The following PRKG1 variants were observed in gnomAD, a reference collection of about 807,000 sequenced individuals.
The protein encoded by PRKG1 is cGMP-dependent protein kinase 1.
In PRKG1, 35 loss-of-function variants were observed where a neutral mutation model predicts 88.1. The observed-to-expected ratio is 0.40, with a 90% CI of 0.30 to 0.53. The LOEUF (loss-of-function observed/expected upper bound fraction) is 0.53. PRKG1 is among the 20% of genes least tolerant of loss of function. The pLI, the probability that PRKG1 is intolerant of heterozygous loss-of-function variation, is 0.59. For synonymous variants in PRKG1, 303 were observed against 292.5 expected (o/e 1.04, Z -0.37); for missense variants, 540 against 839.8 (o/e 0.64, Z 4.41).
At chr10:51,714,602 T>C (rs1454736986) in intron 3 of PRKG1, among the ~76,000 whole-genome samples, 2 of 152,122 alleles carry the variant, frequency 1.3e-5, no homozygotes. Context: ...ATGTGGTAGG[T>C]CAAAATTTTT....
At chr10:51,004,088 A>G (rs1842916352) in intron 1 of PRKG1, among the ~76,000 whole-genome samples, 1 of 152,202 alleles carries the variant, frequency 6.6e-6, no homozygotes. Context: ...CAAAAAAACT[A>G]TTAATATTTG....
At chr10:51,571,917 A>G (rs1333928826) in intron 3 of PRKG1, among the ~76,000 whole-genome samples, 1 of 151,764 alleles carries the variant, frequency 6.6e-6, no homozygotes, top group African/African-American at 2.4e-5. Flanking sequence ...CTGGCTTAAA[A>G]TTTCTTATCT....
chr10:51,368,275 G>A (rs895353737), intron 2 of PRKG1, among the ~76,000 whole-genome samples: 1 of 151,834 alleles, frequency 6.6e-6, no homozygotes, highest in East Asian at 1.9e-4. Context: ...CTTCATGATC[G>A]AAACATATTA....
intron 9 of PRKG1, among the ~76,000 whole-genome samples, chr10:52,169,893 T>G (rs7085190): frequency 0.99 from 151,129 of 152,242 alleles, 75,020 homozygotes; most frequent in Middle Eastern, 1. Context: ...GAGCAAGTGG[T>G]TCTCAGGTCC....
chr10:51,138,843 C>T (rs1277141109), intron 1 of PRKG1, among the ~76,000 whole-genome samples: 6 of 151,584 alleles, frequency 4.0e-5, no homozygotes, highest in African/African-American at 7.3e-5. Context: ...CCACCATGCC[C>T]GGCTAATTTT....
chr10:51,641,508 C>G (rs1419732938), intron 3 of PRKG1, among the ~76,000 whole-genome samples: 2 of 152,126 alleles, frequency 1.3e-5, no homozygotes, highest in Admixed American at 1.3e-4. Flanking sequence ...ATGCCTTGTG[C>G]TTTTTGGACC....
chr10:51,752,927 T>C (rs1042881495), intron 3 of PRKG1, among the ~76,000 whole-genome samples: 2 of 152,152 alleles, frequency 1.3e-5, no homozygotes, highest in Non-Finnish European at 1.5e-5. Flanking sequence ...AAGAACTTTT[T>C]GCAATGTTGA....
chr10:51,518,474 A>T (rs1300313916), intron 3 of PRKG1, among the ~76,000 whole-genome samples: 1 of 151,736 alleles, frequency 6.6e-6, no homozygotes, highest in African/African-American at 2.4e-5. Context: ...TCAACATGAG[A>T]CTCTCTTGTA....
intron 5 of PRKG1, among the ~76,000 whole-genome samples, chr10:51,979,399 G>C (rs1261195350): frequency 1.1e-5 from 1 of 87,634 alleles, no homozygotes; most frequent in Non-Finnish European, 2.3e-5. Flanking sequence ...ATTCATCATG[G>C]ATATTGGTCT....
chr10:51,753,368 T>A (rs1837775665), intron 3 of PRKG1, among the ~76,000 whole-genome samples: 1 of 152,174 alleles, frequency 6.6e-6, no homozygotes, highest in African/African-American at 2.4e-5. Flanking sequence ...TTTTTGAATC[T>A]AAGCATAAAT....
rs149466637 is a variant in PRKG1, at chr10:51,109,299, G to A, written c.311+34398G>A. On this transcript the variant is annotated intron_variant, in intron 1 of 17. Transcript: ENST00000373980. ...AAAATGTTTAAAAAGAAGAAAAAAG[G>A]TGGAGGACTAACACCACTTAAGGTT... 1.0e-2 allele frequency among the ~76,000 whole-genome samples: 1,519 copies of A among 152,210 alleles called. 17 individuals carry two copies. Among genetic ancestry groups the A allele is most frequent in the South Asian group, 0.053 (256 of 4,812 alleles).
chr10:51,307,413 A>G (rs1841067186), intron 2 of PRKG1, among the ~76,000 whole-genome samples: 1 of 152,172 alleles, frequency 6.6e-6, no homozygotes, highest in South Asian at 2.1e-4. Context: ...TGACTCCAAG[A>G]TGATCTTTTC....
intron 9 of PRKG1, among the ~76,000 whole-genome samples, chr10:52,233,705 A>C (rs894969981): frequency 2.8e-5 from 4 of 144,940 alleles, no homozygotes. Context: ...GCAGTCTGAG[A>C]TCAAACTGCA....
chr10:51,368,943 C>G (rs1842643589), intron 2 of PRKG1, among the ~76,000 whole-genome samples: 1 of 152,020 alleles, frequency 6.6e-6, no homozygotes, highest in African/African-American at 2.4e-5. Flanking sequence ...AAGGAATGTA[C>G]TGTTATTAAA....
intron 3 of PRKG1, among the ~76,000 whole-genome samples, chr10:51,557,171 T>C (rs779445806): frequency 2.2e-4 from 34 of 152,048 alleles, no homozygotes; most frequent in Non-Finnish European, 4.6e-4. Flanking sequence ...TTAACTATTA[T>C]AGCTGCTAAG....
chr10:51,895,350 T>C (rs969267945), intron 4 of PRKG1, among the ~76,000 whole-genome samples: 1 of 152,154 alleles, frequency 6.6e-6, no homozygotes, highest in African/African-American at 2.4e-5. Flanking sequence ...ATCAAGAGAA[T>C]GTGTGTTGCC....
intron 3 of PRKG1, among the ~76,000 whole-genome samples, chr10:51,659,946 C>A (rs1474229506): frequency 1.3e-5 from 2 of 151,984 alleles, no homozygotes; most frequent in African/African-American, 4.8e-5. Context: ...TTCGACCCCA[C>A]TCTAGACCTA....
chr10:51,460,332 T>C (rs1040233936), intron 2 of PRKG1, among the ~76,000 whole-genome samples: 1 of 152,180 alleles, frequency 6.6e-6, no homozygotes, highest in Non-Finnish European at 1.5e-5. Context: ...GCCATTTTCC[T>C]GCCTCTAAGC....
At chr10:51,587,462 T>C (rs1199532252) in intron 3 of PRKG1, among the ~76,000 whole-genome samples, 1 of 152,172 alleles carries the variant, frequency 6.6e-6, no homozygotes, top group Non-Finnish European at 1.5e-5. Flanking sequence ...ATAGAGAGTC[T>C]ATGTTTTTAA....
Sources: allele counts gnomAD v4.1 joint callset (sites outside exome capture counted in the v4.1 genomes callset), GRCh38; gene constraint gnomAD v4.1.1; transcripts MANE v1.5; gene names NCBI Gene and HGNC (gene_info 2026-07-23, HGNC 2026-07-21).